The following PRKCE variants were observed in gnomAD, a reference collection of about 807,000 sequenced individuals.
PRKCE encodes the protein protein kinase C epsilon.
In PRKCE, 16 loss-of-function variants were observed where a neutral mutation model predicts 85.4. The observed-to-expected ratio is 0.19, with a 90% CI of 0.13 to 0.28. The LOEUF (loss-of-function observed/expected upper bound fraction) is 0.28. Among genes scored for constraint, PRKCE ranks in the 10% least tolerant of loss-of-function variants. The pLI is 1.00. For missense variants in PRKCE, 573 were observed against 975.2 expected, an observed-to-expected ratio of 0.59 and a Z score of 5.49; for synonymous variants, 388 against 371.5, an observed-to-expected ratio of 1.04 and a Z score of -0.51.
chr2:46,011,620 G>C (rs1360494139), intron 10 of PRKCE, among the ~76,000 whole-genome samples: 1 of 152,208 alleles, frequency 6.6e-6, no homozygotes, highest in Non-Finnish European at 1.5e-5. Context: ...GTGACCCATA[G>C]TTGGAGTCAC....
chr2:46,172,079 G>A lies in PRKCE; in HGVS notation c.2067+12327G>A, dbSNP rs148923911. Among the ~76,000 whole-genome samples the A allele has an allele frequency of 2.1e-3, 316 of 152,342 alleles. 3 individuals carry two copies. The highest frequency in any genetic ancestry group is 0.019 in the South Asian group (94 of 4,832). ...CTCACGTGCAGCATCCTCTCAGTTC[G>A]ACTCTTGGAGGGCCAGTGGGCTCAA... On this transcript the variant is annotated intron_variant, in intron 14 of 14. Transcript: ENST00000306156.
chr2:45,682,093 C>G (rs924229986), intron 1 of PRKCE, among the ~76,000 whole-genome samples: 1 of 152,156 alleles, frequency 6.6e-6, no homozygotes, highest in African/African-American at 2.4e-5. Flanking sequence ...TTTATCCAAA[C>G]AATCATAAAT....
intron 11 of PRKCE, among the ~76,000 whole-genome samples, chr2:46,094,694 A>G (rs553853535): frequency 9.7e-4 from 147 of 152,268 alleles, no homozygotes; most frequent in African/African-American, 3.4e-3. Context: ...GCTGGGCTTA[A>G]TACCTAGGTG....
At chr2:45,940,059 T>C (rs773059529) in intron 2 of PRKCE, among the ~76,000 whole-genome samples, 4 of 152,222 alleles carry the variant, frequency 2.6e-5, no homozygotes, top group Admixed American at 2.6e-4. Context: ...TTTTAGAACT[T>C]GTCTCTGCGT....
intron 1 of PRKCE, among the ~76,000 whole-genome samples, chr2:45,773,900 C>T (rs573247327): frequency 6.6e-6 from 1 of 152,274 alleles, no homozygotes; most frequent in South Asian, 2.1e-4. Flanking sequence ...GGGCAGCTGC[C>T]CAAGGCTGCC....
At chr2:46,072,961 C>T (rs953056535) in intron 10 of PRKCE, among the ~76,000 whole-genome samples, 3 of 152,226 alleles carry the variant, frequency 2.0e-5, no homozygotes, top group African/African-American at 4.8e-5. Context: ...GGTTCCCAAA[C>T]CCCACTCATC....
chr2:45,887,958 T>A, intron 2 of PRKCE, among the ~76,000 whole-genome samples: 1 of 152,134 alleles, frequency 6.6e-6, no homozygotes, highest in Non-Finnish European at 1.5e-5. Context: ...TCTGCCCACA[T>A]AGGAGAGGTG....
At chr2:45,682,695 T>A (rs1353677960) in intron 1 of PRKCE, among the ~76,000 whole-genome samples, 1 of 152,224 alleles carries the variant, frequency 6.6e-6, no homozygotes, top group Non-Finnish European at 1.5e-5. Context: ...CAAGCAATTC[T>A]CCTGCCTCAG....
intron 2 of PRKCE, among the ~76,000 whole-genome samples, chr2:45,970,456 C>G (rs971399205): frequency 6.6e-6 from 1 of 152,058 alleles, no homozygotes; most frequent in South Asian, 2.1e-4. Context: ...TGGGAGGAAA[C>G]AATCAGAGAA....
intron 1 of PRKCE, among the ~76,000 whole-genome samples, chr2:45,669,399 A>G (rs1676052820): frequency 6.6e-6 from 1 of 152,166 alleles, no homozygotes; most frequent in East Asian, 1.9e-4. Flanking sequence ...TAGAACCCGG[A>G]GGGAGCACTC....
At chr2:45,847,767 C>G (rs541051938) in intron 2 of PRKCE, among the ~76,000 whole-genome samples, 5 of 152,360 alleles carry the variant, frequency 3.3e-5, no homozygotes, top group African/African-American at 1.2e-4. Context: ...TAGTTCTCTT[C>G]TTCAGAAAGC....
chr2:45,797,356 T>C (rs1006542237), intron 1 of PRKCE, among the ~76,000 whole-genome samples: 7 of 152,110 alleles, frequency 4.6e-5, no homozygotes, highest in African/African-American at 1.7e-4. Flanking sequence ...GTTTCTCAGC[T>C]CTCCACGACT....
chr2:46,070,187 G>A (rs1667954198), intron 10 of PRKCE, among the ~76,000 whole-genome samples: 1 of 152,206 alleles, frequency 6.6e-6, no homozygotes, highest in African/African-American at 2.4e-5. Flanking sequence ...TTTGGTCACA[G>A]GGAGAACTGT....
Position 45,862,183 on chromosome 2 carries a change from TACACAC to T in PRKCE, c.412+19160_412+19165del, listed in dbSNP as rs6146747. Among the ~76,000 whole-genome samples the T allele has an allele frequency of 8.0e-3, 1,150 of 144,004 alleles. 11 individuals are homozygous for T. The highest frequency in any genetic ancestry group is 0.032 in the South Asian group (140 of 4,426). The allele number at this position is 144,004 out of a possible 152,430, so 94.5% of individuals were successfully genotyped here. A position where few individuals can be genotyped will look rare whatever the true frequency, so the allele number is the denominator to read the frequency against. ...CCCTAGTGTAACCTTTCTTCTTGTA[TACACAC>T]ACACACACACACACACACACACACA... On this transcript the variant is annotated intron_variant, in intron 2 of 14. Coordinates refer to ENST00000306156, the MANE Select transcript of PRKCE (RefSeq NM_005400.3).
At chr2:45,994,212 A>G (rs149612928) in intron 6 of PRKCE, among the ~76,000 whole-genome samples, 1 of 152,288 alleles carries the variant, frequency 6.6e-6, no homozygotes, top group African/African-American at 2.4e-5. Flanking sequence ...GCCTCCACAC[A>G]TGCACGGCCT....
intron 1 of PRKCE, among the ~76,000 whole-genome samples, chr2:45,743,992 GTGTTT>G (rs748455178): frequency 1.4e-5 from 1 of 70,268 alleles, no homozygotes; most frequent in Non-Finnish European, 3.7e-5. Context: ...TGGCCGTTGT[GTGTTT>G]TTTTTTTTTT....
At chr2:45,970,609 C>G (rs140425420) in intron 2 of PRKCE, among the ~76,000 whole-genome samples, 200 of 152,196 alleles carry the variant, frequency 1.3e-3, no homozygotes, top group African/African-American at 4.6e-3. Flanking sequence ...CCCATGAGCT[C>G]TGGGTAGCTC....
intron 11 of PRKCE, among the ~76,000 whole-genome samples, chr2:46,100,001 G>T (rs1009414552): frequency 6.6e-6 from 1 of 152,140 alleles, no homozygotes; most frequent in Non-Finnish European, 1.5e-5. Flanking sequence ...TTAGTTGGGT[G>T]TCCTTGGGCA....
chr2:45,663,191 A>G (rs1176179618), intron 1 of PRKCE, among the ~76,000 whole-genome samples: 1 of 152,226 alleles, frequency 6.6e-6, no homozygotes, highest in African/African-American at 2.4e-5. Flanking sequence ...TATGTCCCCA[A>G]AATATTTCAT....
Sources: gnomAD v4.1 joint callset for allele counts (sites outside exome capture counted in the v4.1 genomes callset) on GRCh38, gnomAD v4.1.1 for gene constraint, MANE v1.5 for transcripts, NCBI Gene and HGNC (gene_info 2026-07-23, HGNC 2026-07-21) for gene names.